Variants in LRMDA observed in about 807,000 individuals in gnomAD.
The protein encoded by LRMDA is leucine-rich melanocyte differentiation-associated protein.
Under a neutral mutation model 29.8 loss-of-function variants are expected in LRMDA, and 18 were observed. That is an observed-to-expected ratio of 0.60 (90% CI 0.42 to 0.90). LRMDA has a LOEUF of 0.90. Among genes scored for constraint, LRMDA ranks in the 40% least tolerant of loss-of-function variants. LRMDA has a pLI of 0.00. For synonymous variants in LRMDA, 125 were observed against 109.4 expected, an observed-to-expected ratio of 1.14 and a Z score of -0.89; for missense variants, 273 against 273.9, an observed-to-expected ratio of 1.00 and a Z score of 0.02.
At chr10:76,079,447 G>A (rs1278367724) in intron 5 of LRMDA, among the ~76,000 whole-genome samples, 1 of 152,150 alleles carries the variant, frequency 6.6e-6, no homozygotes, top group African/African-American at 2.4e-5. Flanking sequence ...CAGCCAGGGG[G>A]AGTGGGGGTG....
intron 2 of LRMDA, among the ~76,000 whole-genome samples, chr10:75,514,301 T>A (rs2132033775): frequency 6.6e-6 from 1 of 151,674 alleles, no homozygotes; most frequent in Admixed American, 6.6e-5. Context: ...CCCTCCTTTT[T>A]CCTTCTTCTT....
intron 2 of LRMDA, among the ~76,000 whole-genome samples, chr10:75,726,362 C>T (rs1026549203): frequency 6.6e-6 from 1 of 152,168 alleles, no homozygotes; most frequent in Non-Finnish European, 1.5e-5. Context: ...AATGCTCTCC[C>T]ATGTAATTTT....
At chr10:75,746,801 A>C (rs1842896950) in intron 2 of LRMDA, among the ~76,000 whole-genome samples, 1 of 152,166 alleles carries the variant, frequency 6.6e-6, no homozygotes, top group Non-Finnish European at 1.5e-5. Context: ...AAAGGAAAAG[A>C]GGGAAGAAAA....
intron 2 of LRMDA, among the ~76,000 whole-genome samples, chr10:75,925,415 TG>T (rs999655364): frequency 6.6e-6 from 1 of 152,132 alleles, no homozygotes; most frequent in Non-Finnish European, 1.5e-5. Flanking sequence ...TGTTAGCGTC[TG>T]GGGGGGTTGG....
intron 6 of LRMDA, among the ~76,000 whole-genome samples, chr10:76,539,480 T>C (rs1172298640): frequency 6.6e-6 from 1 of 152,140 alleles, no homozygotes; most frequent in African/African-American, 2.4e-5. Flanking sequence ...CTGCAAACTT[T>C]TGAGTCCACC....
At chr10:76,543,582 C>T (rs1589231662) in intron 6 of LRMDA, among the ~76,000 whole-genome samples, 1 of 152,132 alleles carries the variant, frequency 6.6e-6, no homozygotes, top group Admixed American at 6.5e-5. Flanking sequence ...CTCCCCTCAA[C>T]TCACACCACT....
intron 5 of LRMDA, among the ~76,000 whole-genome samples, chr10:76,266,333 TA>T (rs1206412496): frequency 6.6e-6 from 1 of 152,198 alleles, no homozygotes; most frequent in Non-Finnish European, 1.5e-5. Context: ...CTCCATAGAA[TA>T]CTCCTTTGCA....
intron 6 of LRMDA, among the ~76,000 whole-genome samples, chr10:76,368,854 G>A (rs971566026): frequency 6.6e-6 from 1 of 152,120 alleles, no homozygotes; most frequent in African/African-American, 2.4e-5. Flanking sequence ...ATTATATACT[G>A]TTCCTCTTTG....
intron 6 of LRMDA, among the ~76,000 whole-genome samples, chr10:76,379,044 A>G (rs1472865161): frequency 6.6e-6 from 1 of 151,538 alleles, no homozygotes; most frequent in African/African-American, 2.4e-5. Flanking sequence ...TTTAGTAGAG[A>G]TTGGGTTTCA....
chr10:75,519,211 T>C (rs1333717420), intron 2 of LRMDA, among the ~76,000 whole-genome samples: 1 of 152,222 alleles, frequency 6.6e-6, no homozygotes, highest in African/African-American at 2.4e-5. Context: ...TGCAGATGTC[T>C]ATTAGGTCCA....
intron 2 of LRMDA, chr10:75,883,426 A>G (rs894524722): frequency 2.6e-5 from 4 of 152,206 alleles, no homozygotes; most frequent in African/African-American, 4.8e-5. Flanking sequence ...CAGCACACCC[A>G]AGAGTTGAAG....
At chr10:75,748,517 A>G (rs998519953) in intron 2 of LRMDA, among the ~76,000 whole-genome samples, 2 of 152,202 alleles carry the variant, frequency 1.3e-5, no homozygotes, top group Non-Finnish European at 2.9e-5. Context: ...GTCCAATTAT[A>G]GAAATTTCTA....
chr10:75,562,676 C>CT (rs1430506992), intron 2 of LRMDA, among the ~76,000 whole-genome samples: 2 of 152,026 alleles, frequency 1.3e-5, no homozygotes, highest in Non-Finnish European at 2.9e-5. Context: ...ACCGGTTGTT[C>CT]TTTTCCATGT....
intron 2 of LRMDA, among the ~76,000 whole-genome samples, chr10:75,636,632 C>A (rs1179620834): frequency 6.6e-6 from 1 of 151,644 alleles, no homozygotes; most frequent in African/African-American, 2.4e-5. Context: ...ATAGAATTTT[C>A]TAAATTGATA....
Position 75,729,374 on chromosome 10 carries a change from C to T in LRMDA, c.131+290880C>T, listed in dbSNP as rs16932579. Among the ~76,000 whole-genome samples, 453 of 152,338 alleles carry T rather than the reference C, an allele frequency of 3.0e-3. 21 individuals are homozygous for T. The East Asian group carries it at 0.076, about 25-fold the overall frequency. On this transcript the variant is annotated intron_variant, in intron 2 of 6. Coordinates refer to ENST00000611255, the MANE Select transcript of LRMDA (RefSeq NM_001305581.2). ...AAAGAAGACAGATTTCTCACTGGAT[C>T]GCCAGCTTCATCCTTCATCGTCCTC...
rs12778023 is a variant in LRMDA, at chr10:76,112,624, C to A, written c.516+53841C>A. The stretch of plus-strand genomic sequence containing the variant: ...AAGCCCCAAGAGGCCCTGGTACTGC[C>A]CTGGATTTTCTTCTGGGCATGTGGG... On this transcript the variant is annotated intron_variant, in intron 5 of 6. Coordinates refer to ENST00000611255, the MANE Select transcript of LRMDA (RefSeq NM_001305581.2). Among the ~76,000 whole-genome samples, 1,163 of 152,356 alleles carry A rather than the reference C, an allele frequency of 7.6e-3. 7 individuals carry two copies. The highest frequency in any genetic ancestry group is 0.011 in the Non-Finnish European group (732 of 68,036).
intron 6 of LRMDA, among the ~76,000 whole-genome samples, chr10:76,518,280 CATCT>C (rs10568061): frequency 0.21 from 30,249 of 146,484 alleles, 3,184 homozygotes; most frequent in African/African-American, 0.23. Context: ...ATTTATCTAT[CATCT>C]ATCTATCTAT....
intron 2 of LRMDA, among the ~76,000 whole-genome samples, chr10:75,497,999 G>A (rs1024316408): frequency 3.3e-5 from 5 of 152,144 alleles, no homozygotes; most frequent in Non-Finnish European, 5.9e-5. Flanking sequence ...TCCCCAAAGC[G>A]GCTGTTTCCT....
At chr10:76,165,714 G>C (rs1850727393) in intron 5 of LRMDA, among the ~76,000 whole-genome samples, 1 of 152,148 alleles carries the variant, frequency 6.6e-6, no homozygotes, top group African/African-American at 2.4e-5. Context: ...GAGGGGAATA[G>C]CCCCTTATAA....
Sources: gnomAD v4.1 joint callset for allele counts (sites outside exome capture counted in the v4.1 genomes callset) on GRCh38, gnomAD v4.1.1 for gene constraint, MANE v1.5 for transcripts, NCBI Gene and HGNC (gene_info 2026-07-23, HGNC 2026-07-21) for gene names.